Variants in MECOM observed in about 807,000 individuals in gnomAD.
The protein encoded by MECOM is histone-lysine N-methyltransferase MECOM.
A neutral mutation model predicts 116.3 loss-of-function variants in MECOM; 13 were observed. The ratio of observed to expected loss-of-function variants is 0.11; its 90% CI spans 0.07 to 0.18. MECOM has a LOEUF of 0.18. Among genes scored for constraint, MECOM ranks in the 10% least tolerant of loss-of-function variants. The pLI, the probability that MECOM is intolerant of heterozygous loss-of-function variation, is 1.00. For missense variants in MECOM, 1,299 were observed against 1,509.0 expected, an observed-to-expected ratio of 0.86 and a Z score of 2.31; for synonymous variants, 528 against 535.2, an observed-to-expected ratio of 0.99 and a Z score of 0.19.
At chr3:169,590,264 C>T (rs1311299980) in intron 1 of MECOM, among the ~76,000 whole-genome samples, 1 of 152,204 alleles carries the variant, frequency 6.6e-6, no homozygotes, top group Non-Finnish European at 1.5e-5. Context: ...GAAGCCTGCT[C>T]TTATAGGCAT....
intron 3 of MECOM, among the ~76,000 whole-genome samples, chr3:169,139,266 T>C (rs1027558761): frequency 3.9e-5 from 6 of 152,108 alleles, no homozygotes; most frequent in African/African-American, 1.4e-4. Context: ...TTCTACTTAC[T>C]AAATACCAGC....
intron 1 of MECOM, among the ~76,000 whole-genome samples, chr3:169,541,913 G>C (rs1760110618): frequency 6.6e-6 from 1 of 152,204 alleles, no homozygotes; most frequent in Non-Finnish European, 1.5e-5. Context: ...CTTTTTAAAA[G>C]ACAAACCCAC....
chr3:169,103,193 G>T (rs1724185343), intron 10 of MECOM, among the ~76,000 whole-genome samples: 2 of 151,432 alleles, frequency 1.3e-5, no homozygotes, highest in African/African-American at 2.4e-5. Context: ...TTGAACTCCT[G>T]GTCTCAAGCA....
chr3:169,314,993 T>C (rs1339219761), intron 2 of MECOM, among the ~76,000 whole-genome samples: 1 of 152,196 alleles, frequency 6.6e-6, no homozygotes, highest in Non-Finnish European at 1.5e-5. Flanking sequence ...GTAGTTCCCA[T>C]GCCTTCAATT....
intron 2 of MECOM, among the ~76,000 whole-genome samples, chr3:169,273,801 T>C (rs1759250994): frequency 6.6e-6 from 1 of 152,156 alleles, no homozygotes. Context: ...TTGGAAACCC[T>C]TGAAGAGGAT....
At chr3:169,499,462 A>C (rs182537063) in intron 1 of MECOM, among the ~76,000 whole-genome samples, 1 of 152,066 alleles carries the variant, frequency 6.6e-6, no homozygotes, top group East Asian at 1.9e-4. Context: ...GTTCCAAGGC[A>C]AAATAGCTAA....
At chr3:169,192,945 G>A (rs1001652339) in intron 2 of MECOM, among the ~76,000 whole-genome samples, 1 of 151,904 alleles carries the variant, frequency 6.6e-6, no homozygotes. Context: ...TTAATTAATG[G>A]CTCAATAGCA....
intron 9 of MECOM, 89 bp from the exon 10 acceptor site, chr3:169,108,041 C>A: frequency 9.0e-7 from 1 of 1,107,854 alleles, no homozygotes; most frequent in Non-Finnish European, 1.3e-6. Flanking sequence ...AACATTTGTA[C>A]TAACTTAGTA....
intron 1 of MECOM, among the ~76,000 whole-genome samples, chr3:169,529,300 AG>A (rs1260068771): frequency 6.6e-6 from 1 of 152,228 alleles, no homozygotes; most frequent in Non-Finnish European, 1.5e-5. Context: ...ATTTCTTGAA[AG>A]GTTTTGAGTC....
At chr3:169,525,787 G>C (rs1757896447) in intron 1 of MECOM, among the ~76,000 whole-genome samples, 1 of 152,344 alleles carries the variant, frequency 6.6e-6, no homozygotes, top group Admixed American at 6.5e-5. Flanking sequence ...CTAGCACTTT[G>C]GGAGGCCGAG....
intron 2 of MECOM, among the ~76,000 whole-genome samples, chr3:169,297,455 G>A (rs1270162161): frequency 1.3e-5 from 2 of 151,898 alleles, no homozygotes; most frequent in African/African-American, 2.4e-5. Context: ...TAACACTCAC[G>A]TCAGAGGAAA....
intron 2 of MECOM, among the ~76,000 whole-genome samples, chr3:169,319,390 T>C (rs143210645): frequency 1.4e-3 from 204 of 148,192 alleles, no homozygotes; most frequent in Non-Finnish European, 2.3e-3. Context: ...CACATGGACA[T>C]GGGGAAGGGA....
At chr3:169,499,612 CA>C (rs765487569) in intron 1 of MECOM, among the ~76,000 whole-genome samples, 14 of 111,710 alleles carry the variant, frequency 1.3e-4, no homozygotes, top group Non-Finnish European at 1.8e-4. Flanking sequence ...TTACTTCGAC[CA>C]GGGGGAAAAA....
intron 2 of MECOM, among the ~76,000 whole-genome samples, chr3:169,242,180 A>T (rs1239158196): frequency 6.6e-6 from 1 of 152,132 alleles, no homozygotes; most frequent in East Asian, 1.9e-4. Context: ...AGACCACGAG[A>T]GGAGCCTTCT....
At chr3:169,292,035 C>A (rs1714654861) in intron 2 of MECOM, among the ~76,000 whole-genome samples, 1 of 152,134 alleles carries the variant, frequency 6.6e-6, no homozygotes, top group South Asian at 2.1e-4. Flanking sequence ...AATGATTATG[C>A]AACTAGTTTG....
At position 169,083,883 on chromosome 3, in the gene MECOM, A is replaced by G; in HGVS notation, c.*1026T>C. 4.5e-6 allele frequency: 1 copy of G among 220,998 alleles called. No homozygotes were observed. The highest frequency in any genetic ancestry group is 2.2e-5 in the African/African-American group (1 of 44,830). The allele number at this position is 220,998 out of a possible 1,614,324, so 13.7% of individuals were successfully genotyped here. A position where few individuals can be genotyped will look rare whatever the true frequency, so the allele number is the denominator to read the frequency against. The stretch of plus-strand genomic sequence containing the variant: ...TTTATACAATTGAATCGATTTCAGT[A>G]TTACAAAAACTAAGTTGCATCTATT... On this transcript the variant is annotated 3_prime_UTR_variant, in exon 17 of 17. Transcript: ENST00000651503.
chr3:169,568,082 G>A (rs1276904497), intron 1 of MECOM, among the ~76,000 whole-genome samples: 1 of 152,172 alleles, frequency 6.6e-6, no homozygotes, highest in Non-Finnish European at 1.5e-5. Context: ...AGCAGAAGCA[G>A]GATGGGGCGT....
intron 12 of MECOM, among the ~76,000 whole-genome samples, chr3:169,100,348 C>T (rs549848060): frequency 1.3e-5 from 2 of 152,196 alleles, no homozygotes; most frequent in African/African-American, 4.8e-5. Context: ...ATCCACCTGC[C>T]TCTGCCTCCC....
chr3:169,272,451 G>T (rs1417056994), intron 2 of MECOM, among the ~76,000 whole-genome samples: 2 of 152,052 alleles, frequency 1.3e-5, no homozygotes, highest in Non-Finnish European at 2.9e-5. Flanking sequence ...TCTTTACATT[G>T]TCCCCAGAAT....
Sources: gnomAD v4.1 joint callset for allele counts (sites outside exome capture counted in the v4.1 genomes callset) on GRCh38, gnomAD v4.1.1 for gene constraint, MANE v1.5 for transcripts, NCBI Gene and HGNC (gene_info 2026-07-23, HGNC 2026-07-21) for gene names.